Variants in ADAMTS20 observed in about 807,000 individuals in gnomAD.
The protein encoded by ADAMTS20 is ADAM metallopeptidase with thrombospondin type 1 motif 20.
Under a neutral mutation model 260.1 loss-of-function variants are expected in ADAMTS20, and 225 were observed. The ratio of observed to expected loss-of-function variants is 0.87; its 90% CI spans 0.78 to 0.97. The LOEUF is 0.97. ADAMTS20 is among the 50% of genes least tolerant of loss of function. The pLI is 0.00. For synonymous variants in ADAMTS20, 802 were observed against 769.5 expected, an observed-to-expected ratio of 1.04 and a Z score of -0.70; for missense variants, 2,400 against 2,337.7, an observed-to-expected ratio of 1.03 and a Z score of -0.55.
chr12:43,472,675 C>T (rs943830422), intron 7 of ADAMTS20, among the ~76,000 whole-genome samples: 56 of 141,274 alleles, frequency 4.0e-4, no homozygotes, highest in African/African-American at 1.5e-3. Context: ...GAGTGGGGGC[C>T]AATATTCAAC....
chr12:43,492,520 G>T lies in ADAMTS20; in HGVS notation c.1061C>A (p.Ala354Asp). The change falls in exon 6 of 39, where the codon GCT (alanine) becomes GAT (aspartate). Residue 354 changes from alanine (A) to aspartate (D), a missense_variant. By Grantham distance (126) the Ala-to-Asp change is moderately radical (BLOSUM62 -2). Transcript: ENST00000389420. ...DDVHPSHHDT[A>D]VLITREDICS... is the part of the protein sequence containing the mutation. ...ATAATCATACCTAGTGATAAGAACA[G>T]CAGTGTCATGGTGGGAAGGGTGAAC... 6.2e-7 allele frequency: 1 copy of T among 1,613,822 alleles called. No individual in the cohort carries two copies. Among genetic ancestry groups the T allele is most frequent in the Non-Finnish European group, 8.5e-7 (1 of 1,179,780 alleles).
chr12:43,543,314 A>G (rs1048649176), intron 2 of ADAMTS20, among the ~76,000 whole-genome samples: 1 of 151,918 alleles, frequency 6.6e-6, no homozygotes, highest in African/African-American at 2.4e-5. Context: ...TGTCTCAAAG[A>G]AAAAAAAGAA....
intron 38 of ADAMTS20, among the ~76,000 whole-genome samples, chr12:43,355,252 T>C (rs1015955728): frequency 3.9e-5 from 6 of 152,202 alleles, no homozygotes; most frequent in Non-Finnish European, 7.4e-5. Context: ...AGTTGTATAA[T>C]TCCCTATTCC....
intron 18 of ADAMTS20, among the ~76,000 whole-genome samples, chr12:43,435,641 T>TAAAAAAAAAAAAAAAAAAAAAAA (rs35112845): frequency 1.2e-5 from 1 of 84,668 alleles, no homozygotes; most frequent in African/African-American, 4.7e-5. Flanking sequence ...ACTCCATTTC[T>TAAAAAAAAAAAAAAAAAAAAAAA]AAAAAAAAAA....
intron 11 of ADAMTS20, 52 bp from the exon 12 acceptor site, chr12:43,454,104 A>G: frequency 6.4e-7 from 1 of 1,570,824 alleles, no homozygotes; most frequent in Non-Finnish European, 8.6e-7. Flanking sequence ...TAATTAGAAC[A>G]TCACAAAAAT....
chr12:43,404,178 GACACACACACACACACACACAC>G (rs3031172), intron 28 of ADAMTS20, among the ~76,000 whole-genome samples: 1 of 145,902 alleles, frequency 6.9e-6, no homozygotes, highest in African/African-American at 2.5e-5. Context: ...ATATTGTGGG[GACACACACACACACACACACAC>G]ACACACACAC....
At position 43,551,096 on chromosome 12, in the gene ADAMTS20, A is replaced by G. The variant is rs767415209; in HGVS notation, c.266T>C (p.Phe89Ser). Residue 89 changes from phenylalanine (F) to serine (S), a missense_variant, in exon 2 of 39, where the codon TTC becomes TCC. Coordinates refer to ENST00000389420, the MANE Select transcript of ADAMTS20 (RefSeq NM_025003.5). The surrounding 1 kb of genome is among the most constrained non-coding windows in gnomAD (Gnocchi z 4.6). ...TGCATCGGCGGTCAGGTTCAGCTGG[A>G]AGAGCTGCCCGTAGGCAGTGAAGCG... is the stretch of plus-strand genomic sequence containing the variant. ...HYRFTAYGQL[F>S]QLNLTADASF... 6.2e-7 allele frequency: 1 copy of G among 1,613,840 alleles called. No homozygotes were observed. The highest frequency in any genetic ancestry group is 8.5e-7 in the Non-Finnish European group (1 of 1,179,840).
intron 28 of ADAMTS20, among the ~76,000 whole-genome samples, chr12:43,413,361 T>C (rs1175166188): frequency 2.0e-5 from 3 of 152,168 alleles, no homozygotes; most frequent in African/African-American, 7.2e-5. Context: ...ATAGAAGACA[T>C]GAACTTTCCT....
intron 3 of ADAMTS20, among the ~76,000 whole-genome samples, chr12:43,525,481 G>C (rs1943128926): frequency 6.6e-6 from 1 of 152,084 alleles, no homozygotes; most frequent in Non-Finnish European, 1.5e-5. Context: ...AAAGTATCTA[G>C]GTAACAATTA....
At chr12:43,387,469 A>T (rs1324375443) in intron 29 of ADAMTS20, among the ~76,000 whole-genome samples, 1 of 152,200 alleles carries the variant, frequency 6.6e-6, no homozygotes, top group African/African-American at 2.4e-5. Flanking sequence ...CACAGAGCTC[A>T]GGGATCCACA....
At chr12:43,374,263 A>T (rs934440609) in intron 36 of ADAMTS20, among the ~76,000 whole-genome samples, 2 of 152,104 alleles carry the variant, frequency 1.3e-5, no homozygotes, top group Admixed American at 6.5e-5. Context: ...TCATAATTTT[A>T]TGACTATAAT....
intron 3 of ADAMTS20, among the ~76,000 whole-genome samples, chr12:43,521,187 T>A (rs1943067010): frequency 6.6e-6 from 1 of 152,224 alleles, no homozygotes; most frequent in African/African-American, 2.4e-5. Context: ...CTATTCATTA[T>A]CTACTTTTGG....
chr12:43,549,195 A>G (rs200079233), intron 2 of ADAMTS20, among the ~76,000 whole-genome samples: 1 of 16,810 alleles, frequency 5.9e-5, no homozygotes, highest in African/African-American at 7.7e-5. Flanking sequence ...ATATTGTATA[A>G]TACATTATCC....
intron 2 of ADAMTS20, among the ~76,000 whole-genome samples, chr12:43,534,285 A>G (rs1193534093): frequency 6.6e-6 from 1 of 151,364 alleles, no homozygotes; most frequent in East Asian, 1.9e-4. Flanking sequence ...TTACAAGAAA[A>G]AAACAAACAA....
intron 29 of ADAMTS20, among the ~76,000 whole-genome samples, chr12:43,394,835 C>T (rs1940666620): frequency 6.6e-6 from 1 of 152,136 alleles, no homozygotes; most frequent in South Asian, 2.1e-4. Context: ...CCTACACAAG[C>T]TTCTTAACCT....
intron 2 of ADAMTS20, among the ~76,000 whole-genome samples, chr12:43,544,039 GA>G (rs956762549): frequency 1.3e-5 from 2 of 151,740 alleles, no homozygotes; most frequent in Admixed American, 6.6e-5. Context: ...AATATTTGCT[GA>G]AAAAAAATGA....
chr12:43,500,940 T>C (rs1021020764), intron 4 of ADAMTS20, among the ~76,000 whole-genome samples: 22 of 152,158 alleles, frequency 1.4e-4, no homozygotes, highest in African/African-American at 5.1e-4. Flanking sequence ...AGATATGCCC[T>C]TGCTAAGTCT....
intron 3 of ADAMTS20, among the ~76,000 whole-genome samples, chr12:43,521,881 A>T (rs1420736011): frequency 6.6e-6 from 1 of 152,118 alleles, no homozygotes; most frequent in East Asian, 1.9e-4. Context: ...TAGAAGATAC[A>T]AATGTCACAT....
At chr12:43,461,141 T>G (rs1942058278) in intron 11 of ADAMTS20, among the ~76,000 whole-genome samples, 1 of 150,726 alleles carries the variant, frequency 6.6e-6, no homozygotes, top group African/African-American at 2.4e-5. Context: ...CAGGCGCCTG[T>G]CACCACGCCT....
Sources: gnomAD v4.1 joint callset for allele counts (sites outside exome capture counted in the v4.1 genomes callset) on GRCh38, gnomAD v4.1.1 for gene constraint, Gnocchi (gnomAD v3.1) non-coding constraint, MANE v1.5 for transcripts, NCBI Gene and HGNC (gene_info 2026-07-23, HGNC 2026-07-21) for gene names.